Variants in GHRHR observed in about 807,000 individuals in gnomAD.
GHRHR encodes growth hormone releasing hormone receptor.
GHRHR carries 40 observed loss-of-function variants against 58.3 expected under a neutral mutation model. That is an observed-to-expected ratio of 0.69 (90% confidence interval 0.53 to 0.89). GHRHR has a LOEUF of 0.89. Among genes scored for constraint, GHRHR ranks in the 40% least tolerant of loss-of-function variants. The probability of loss-of-function intolerance (pLI) is 0.00; values close to 1 mark genes in which losing one functional copy is unlikely to be tolerated. For missense variants in GHRHR, 551 were observed against 541.3 expected (o/e 1.02, Z -0.18); for synonymous variants, 249 against 216.6 (o/e 1.15, Z -1.31).
chr7:30,974,503 G>A lies in GHRHR; in HGVS notation c.812+14G>A. 6.3e-7 allele frequency: 1 copy of A among 1,595,592 alleles called. No individual in the cohort carries two copies. The highest frequency in any genetic ancestry group is 8.6e-7 in the Non-Finnish European group (1 of 1,163,048). On this transcript the variant is annotated intron_variant, in intron 8 of 12. Transcript: ENST00000326139. ...CGAGGACATCGCGTGAGTCGGAGCG[G>A]CCACCTTGTCATACCCGCTGGTCCT...
intron 6 of GHRHR, among the ~76,000 whole-genome samples, chr7:30,973,425 GT>G (rs1332786992): frequency 6.6e-6 from 1 of 152,220 alleles, no homozygotes; most frequent in African/African-American, 2.4e-5. Context: ...AGGAGAGACA[GT>G]TGGCAAGGTC....
intron 1 of GHRHR, among the ~76,000 whole-genome samples, chr7:30,964,975 T>C (rs997453233): frequency 1.3e-5 from 2 of 152,172 alleles, no homozygotes; most frequent in Non-Finnish European, 2.9e-5. Context: ...CTGCACCTGC[T>C]CCTGAGTGCA....
At chr7:30,974,809 T>C (rs540879459) in intron 8 of GHRHR, among the ~76,000 whole-genome samples, 162 bp from the exon 9 acceptor site, 9 of 152,238 alleles carry the variant, frequency 5.9e-5, no homozygotes, top group Non-Finnish European at 1.2e-4. Context: ...CCAGCCTGGA[T>C]TGGGGTGCCC....
At position 30,972,256 on chromosome 7, in the gene GHRHR, C is replaced by A. The variant is rs917538126; in HGVS notation, c.597+161C>A. 126 of 703,164 alleles carry A rather than the reference C, an allele frequency of 1.8e-4. No individual in the cohort carries two copies. The East Asian group carries it at 3.3e-3, about 18-fold the overall frequency. The allele number at this position is 703,164 out of a possible 1,614,324, so 43.6% of individuals were successfully genotyped here. ...GAAAATGCTCCTTTCCCATGTCACC[C>A]CCTAAGTCCTCACGCCTTTCCTGGA... On this transcript the variant is annotated intron_variant, in intron 6 of 12. Coordinates refer to ENST00000326139, the MANE Select transcript of GHRHR (RefSeq NM_000823.4).
rs1792425286 is a variant in GHRHR at position 30,969,108 on chromosome 7, G to C, written c.206G>C (p.Gly69Ala). ...WDGLLCWPTAGSGEWVTLPCP... is the reference protein window; with the variant it reads ...WDGLLCWPTAASGEWVTLPCP... Reference sequence around the variant, plus strand: ...GGGCTGCTGTGCTGGCCAACGGCAGGCTCTGGCGAGTGGGTCACCCTCCCC... The same window carrying C: ...GGGCTGCTGTGCTGGCCAACGGCAGCCTCTGGCGAGTGGGTCACCCTCCCC... The change falls in exon 3 of 13, where the codon GGC (glycine) becomes GCC (alanine). Residue 69 changes from glycine (G) to alanine (A), a missense_variant. Physicochemically the swap from Gly to Ala is moderately conservative, Grantham distance 60. Coordinates refer to ENST00000326139, the MANE Select transcript of GHRHR (RefSeq NM_000823.4). The C allele has an allele frequency of 6.3e-7, 1 of 1,580,182 alleles. No individual in the cohort carries two copies. The highest frequency in any genetic ancestry group is 1.3e-5 in the African/African-American group (1 of 74,546).
In GHRHR at chr7:30,964,097, T is replaced by A. The variant is rs139599160; in HGVS notation, c.29T>A (p.Val10Asp). 1 of 1,550,198 alleles carries A rather than the reference T, an allele frequency of 6.5e-7. No homozygotes were observed. Among genetic ancestry groups the A allele is most frequent in the South Asian group, 1.2e-5 (1 of 84,060 alleles). MDRRMWGAH[V>D]FCVLSPLPTV... ...GACCGCCGGATGTGGGGGGCCCACGTCTTCTGCGTGTTGAGCCCGTTACCG... is the reference window on the plus strand; with the variant it reads ...GACCGCCGGATGTGGGGGGCCCACGACTTCTGCGTGTTGAGCCCGTTACCG... The change falls in exon 1 of 13, where the codon GTC becomes GAC. Residue 10 changes from valine to aspartate, a missense_variant. By Grantham distance (152) the Val-to-Asp change is radical (BLOSUM62 -3). Coordinates refer to ENST00000326139, the MANE Select transcript of GHRHR (RefSeq NM_000823.4).
chr7:30,968,635 TCCCTC>T (rs1792407845), intron 1 of GHRHR, among the ~76,000 whole-genome samples, 194 bp from the exon 2 acceptor site: 2 of 24,784 alleles, frequency 8.1e-5, no homozygotes, highest in African/African-American at 2.9e-4. Context: ...CCTCCCTCCC[TCCCTC>T]CCTTCCTTCC....
At chr7:30,977,431 T>C in intron 12 of GHRHR, 109 bp downstream of exon 12, 1 of 895,400 alleles carries the variant, frequency 1.1e-6, no homozygotes, top group Non-Finnish European at 1.9e-6. Context: ...AGGCCACACC[T>C]TCACTCTTGT....
chr7:30,971,104 C>T lies in GHRHR; in HGVS notation c.367-15C>T. 8.5e-7 allele frequency: 1 copy of T among 1,171,986 alleles called. No individual in the cohort carries two copies. Among genetic ancestry groups the T allele is most frequent in the South Asian group, 1.3e-5 (1 of 76,478 alleles). 72.6% of individuals were successfully genotyped at this position (1,171,986 alleles called of 1,614,324 possible). On this transcript the variant is annotated splice_polypyrimidine_tract_variant and intron_variant, in intron 4 of 12. Coordinates refer to ENST00000326139, the MANE Select transcript of GHRHR (RefSeq NM_000823.4). ...CCCAGAAGCTGAGACTTTCTTCTGT[C>T]TCTGCCCTTCCCAGGAATCTTACTT...
In GHRHR at chr7:30,979,340, C is replaced by G. The variant is rs1792648721; in HGVS notation, c.*96C>G. On this transcript the variant is annotated 3_prime_UTR_variant, in exon 13 of 13. Coordinates refer to ENST00000326139, the MANE Select transcript of GHRHR (RefSeq NM_000823.4). Reference sequence around the variant, plus strand: ...GGAGCAAGGGGGCCACATCCCCACCCCAGCTGTTACCCAGCCCGGGGCAGG... The same window carrying G: ...GGAGCAAGGGGGCCACATCCCCACCGCAGCTGTTACCCAGCCCGGGGCAGG... 4.0e-6 allele frequency: 5 copies of G among 1,249,578 alleles called. No individual in the cohort carries two copies. Among genetic ancestry groups the G allele is most frequent in the Non-Finnish European group, 4.6e-6 (4 of 876,058 alleles). The allele number at this position is 1,249,578 out of a possible 1,614,324, so 77.4% of individuals were successfully genotyped here. A position where few individuals can be genotyped will look rare whatever the true frequency, so the allele number is the denominator to read the frequency against.
chr7:30,978,998 CTT>C, intron 12 of GHRHR, 119 bp from the exon 13 acceptor site: 3 of 953,862 alleles, frequency 3.1e-6, no homozygotes, highest in Non-Finnish European at 5.1e-6. Flanking sequence ...CCAAGCATGA[CTT>C]TTCCTGCCCC....
At chr7:30,969,280 C>A in intron 3 of GHRHR, 110 bp downstream of exon 3, 1 of 775,390 alleles carries the variant, frequency 1.3e-6, no homozygotes, top group Non-Finnish European at 2.2e-6. Context: ...TACCAACTTC[C>A]CCTCTTCTGG....
At chr7:30,969,264 T>C in intron 3 of GHRHR, 94 bp downstream of exon 3, 1 of 857,650 alleles carries the variant, frequency 1.2e-6, no homozygotes, top group Non-Finnish European at 1.9e-6. Flanking sequence ...CTAACCTGGG[T>C]TTGTATACCA....
At chr7:30,970,014 T>C in intron 4 of GHRHR, 50 bp downstream of exon 4, 1 of 825,878 alleles carries the variant, frequency 1.2e-6, no homozygotes, top group African/African-American at 1.7e-5. Context: ...GACATTTGTA[T>C]GGGTGGGTGC....
chr7:30,975,389 A>C (rs1040713283), intron 9 of GHRHR, among the ~76,000 whole-genome samples: 3 of 152,182 alleles, frequency 2.0e-5, no homozygotes, highest in African/African-American at 7.2e-5. Context: ...CTGCTCTCAC[A>C]CACAACACAG....
chr7:30,964,949 C>T (rs1235463630), intron 1 of GHRHR, among the ~76,000 whole-genome samples: 1 of 152,106 alleles, frequency 6.6e-6, no homozygotes, highest in African/African-American at 2.4e-5. Context: ...GGGTGCTGCC[C>T]CTCCCGAGCA....
chr7:30,974,204 C>T, intron 7 of GHRHR, 66 bp downstream of exon 7: 5 of 1,497,644 alleles, frequency 3.3e-6, no homozygotes, highest in Non-Finnish European at 4.6e-6. Context: ...AGGGAGTTTA[C>T]ATAAAGGCCC....
In GHRHR at chr7:30,964,110, G is replaced by C. The variant is rs577365315; in HGVS notation, c.42G>C (p.Leu14Phe). 1.3e-5 allele frequency: 20 copies of C among 1,549,608 alleles called. No individual in the cohort carries two copies. In the South Asian group the frequency reaches 2.1e-4, roughly 17 times the overall value. ...RMWGAHVFCV[L>F]SPLPTVLGHM... is the part of the protein sequence containing the mutation. ...GGGGGGCCCACGTCTTCTGCGTGTT[G>C]AGCCCGTTACCGACCGTGAGTAGCC... Residue 14 changes from leucine (L) to phenylalanine (F), a missense_variant, in exon 1 of 13, where the codon TTG becomes TTC. By Grantham distance (22) the Leu-to-Phe change is conservative. Coordinates refer to ENST00000326139, the MANE Select transcript of GHRHR (RefSeq NM_000823.4).
chr7:30,971,082 A>G (rs1298848262), intron 4 of GHRHR, 37 bp from the exon 5 acceptor site: 5 of 914,256 alleles, frequency 5.5e-6, no homozygotes, highest in Non-Finnish European at 8.9e-6. Flanking sequence ...CCAAAGGCCC[A>G]GAAGCTGAGA....
Sources: allele counts gnomAD v4.1 joint callset (sites outside exome capture counted in the v4.1 genomes callset), GRCh38; gene constraint gnomAD v4.1.1; transcripts MANE v1.5; gene names NCBI Gene and HGNC (gene_info 2026-07-23, HGNC 2026-07-21).